The following PDE3B variants were observed in gnomAD, a reference collection of about 807,000 sequenced individuals.
The protein encoded by PDE3B is phosphodiesterase 3B, also known as cGMP-inhibited 3',5'-cyclic phosphodiesterase 3B.
Under a neutral mutation model 116.8 loss-of-function variants are expected in PDE3B, and 66 were observed. That is an observed-to-expected ratio of 0.56 (90% CI 0.46 to 0.69). The LOEUF is 0.69. Ranked by LOEUF, PDE3B falls within the 30% of genes least tolerant of loss-of-function variation. PDE3B has a pLI of 0.00. For missense variants in PDE3B, 1,384 were observed against 1,368.1 expected (o/e 1.01, Z -0.18); for synonymous variants, 595 against 533.6 (o/e 1.12, Z -1.59).
At chr11:14,688,690 G>T (rs1340870248) in intron 1 of PDE3B, among the ~76,000 whole-genome samples, 1 of 152,114 alleles carries the variant, frequency 6.6e-6, no homozygotes, top group African/African-American at 2.4e-5. Flanking sequence ...GTGTCTTTGT[G>T]TAGGTCACTG....
At chr11:14,744,841 G>A (rs1055966285) in intron 1 of PDE3B, among the ~76,000 whole-genome samples, 1 of 152,164 alleles carries the variant, frequency 6.6e-6, no homozygotes, top group African/African-American at 2.4e-5. Context: ...TAATTTTAAT[G>A]TTTTATAGGA....
At position 14,643,935 on chromosome 11, in the gene PDE3B, G is replaced by A; in HGVS notation, c.-141G>A. ...CCTCAGTCCGCGCGGTGGGGACCCC[G>A]GGCCGTGGCGGCCGGCGCAGCCCTG... On this transcript the variant is annotated 5_prime_UTR_variant, in exon 1 of 16. Coordinates refer to ENST00000282096, the MANE Select transcript of PDE3B (RefSeq NM_000922.4). 7.9e-7 allele frequency: 1 copy of A among 1,258,142 alleles called. No homozygotes were observed. The highest frequency in any genetic ancestry group is 1.0e-6 in the Non-Finnish European group (1 of 976,644). 77.9% of individuals were successfully genotyped at this position (1,258,142 alleles called of 1,614,324 possible).
chr11:14,644,754 A>G lies in PDE3B; in HGVS notation c.679A>G (p.Ser227Gly), dbSNP rs1209880894. Reference protein sequence around the residue: ...RHCVLVLLLASFVWWVSFTSL... With the variant: ...RHCVLVLLLAGFVWWVSFTSL... ...CTGCGTTCTGGTGCTGCTCCTGGCC[A>G]GCTTCGTCTGGTGGGTCTCCTTCAC... The change falls in exon 1 of 16, where the codon AGC (serine) becomes GGC (glycine). Residue 227 changes from serine to glycine, a missense_variant. Physicochemically the swap from Ser to Gly is moderately conservative, Grantham distance 56. Around this residue, in one of 2 missense-constraint regions of PDE3B, gnomAD observed 956 missense variants for 806.8 expected, o/e 1.18. Coordinates refer to ENST00000282096, the MANE Select transcript of PDE3B (RefSeq NM_000922.4). 6.3e-7 allele frequency: 1 copy of G among 1,593,494 alleles called. No homozygotes were observed.
At chr11:14,779,724 G>T (rs942437133) in intron 2 of PDE3B, among the ~76,000 whole-genome samples, 2 of 152,154 alleles carry the variant, frequency 1.3e-5, no homozygotes, top group African/African-American at 4.8e-5. Flanking sequence ...ATGCCAAATT[G>T]TAAAGACCAT....
intron 12 of PDE3B, among the ~76,000 whole-genome samples, 156 bp downstream of exon 12, chr11:14,844,182 T>A (rs891457383): frequency 2.0e-5 from 3 of 152,228 alleles, no homozygotes; most frequent in African/African-American, 7.2e-5. Context: ...GGCATTAATG[T>A]GATGTGTGCT....
At chr11:14,890,337 C>T in the PDE3B span, 4 of 327,376 alleles carry the variant, frequency 1.2e-5, no homozygotes, top group Non-Finnish European at 1.7e-5. Context: ...ACCAAGATAC[C>T]AAAGAGATGA....
At chr11:14,833,037 G>A (rs940152054) in intron 10 of PDE3B, among the ~76,000 whole-genome samples, 9 of 151,178 alleles carry the variant, frequency 6.0e-5, no homozygotes, top group South Asian at 2.1e-4. Context: ...TGCAACCTCC[G>A]CCCCCCACGT....
At chr11:14,866,471 GA>G (rs1463548729) in intron 14 of PDE3B, among the ~76,000 whole-genome samples, 5 of 152,098 alleles carry the variant, frequency 3.3e-5, no homozygotes, top group Non-Finnish European at 7.4e-5. Context: ...CATGGACTTA[GA>G]AAAGCCAAAC....
chr11:14,718,545 A>G (rs1180898458), intron 1 of PDE3B, among the ~76,000 whole-genome samples: 1 of 149,768 alleles, frequency 6.7e-6, no homozygotes, highest in African/African-American at 2.4e-5. Context: ...AGCAAATGTA[A>G]AAGAACAGAA....
intron 12 of PDE3B, among the ~76,000 whole-genome samples, 169 bp downstream of exon 12, chr11:14,844,195 G>A (rs1014454500): frequency 6.6e-6 from 1 of 152,194 alleles, no homozygotes; most frequent in African/African-American, 2.4e-5. Context: ...TGTGTGCTAG[G>A]AAATTAGGGG....
intron 1 of PDE3B, among the ~76,000 whole-genome samples, chr11:14,686,720 T>C (rs1414930501): frequency 1.3e-5 from 2 of 152,216 alleles, no homozygotes. Flanking sequence ...GTTTTTATTT[T>C]TATTTTTTTT....
chr11:14,879,988 CTCT>C, the PDE3B span: 1 of 763,870 alleles, frequency 1.3e-6, no homozygotes, highest in African/African-American at 1.8e-5. Flanking sequence ...GATTTGAAAA[CTCT>C]TTTTTGTAAC....
chr11:14,851,310 A>G (rs191841581), intron 12 of PDE3B, among the ~76,000 whole-genome samples: 7 of 151,978 alleles, frequency 4.6e-5, no homozygotes, highest in East Asian at 1.9e-4. Flanking sequence ...TCTTTATTCT[A>G]TGTTTAAACC....
In PDE3B at chr11:14,645,181, G is replaced by T. The variant is rs866691245; in HGVS notation, c.978+128G>T. ...AATGGAAAAAGGGTGTGTTGCGGGG[G>T]GGGGGGGGGAGGAAATAATGTTTTA... On this transcript the variant is annotated intron_variant, in intron 1 of 15. Transcript: ENST00000282096. 857 of 463,056 alleles carry T rather than the reference G, an allele frequency of 1.9e-3. 42 individuals carry two copies. The highest frequency in any genetic ancestry group is 5.4e-3 in the South Asian group (155 of 28,556). 28.7% of individuals were successfully genotyped at this position (463,056 alleles called of 1,614,324 possible). A position where few individuals can be genotyped will look rare whatever the true frequency, so the allele number is the denominator to read the frequency against.
chr11:14,668,031 GTAAA>G (rs1854234452), intron 1 of PDE3B, among the ~76,000 whole-genome samples: 2 of 148,768 alleles, frequency 1.3e-5, no homozygotes, highest in Non-Finnish European at 3.0e-5. Flanking sequence ...TAATGCAAGA[GTAAA>G]AAAAAAAAAG....
chr11:14,884,801 C>T, the PDE3B span, among the ~76,000 whole-genome samples: 1 of 152,062 alleles, frequency 6.6e-6, no homozygotes, highest in East Asian at 1.9e-4. Flanking sequence ...AATAAATTTA[C>T]AGCTTTGAAA....
At chr11:14,736,066 C>G (rs950632977) in intron 1 of PDE3B, among the ~76,000 whole-genome samples, 3 of 149,360 alleles carry the variant, frequency 2.0e-5, no homozygotes, top group Non-Finnish European at 3.0e-5. Flanking sequence ...TCTAGTTTTA[C>G]CTGTGCTCTT....
Position 14,808,790 on chromosome 11 carries a change from T to C in PDE3B, c.1522+4740T>C, listed in dbSNP as rs563887388. On this transcript the variant is annotated intron_variant, in intron 5 of 15. Transcript: ENST00000282096. ...TTTACAGTTAGCATTGAAAAAATCT[T>C]TGAAATAAATTTAGCAAAATAGTAC... 8.5e-4 allele frequency among the ~76,000 whole-genome samples: 130 copies of C among 152,324 alleles called. 2 individuals are homozygous for C. Among genetic ancestry groups the C allele is most frequent in the Middle Eastern group, 6.8e-3 (2 of 294 alleles).
At chr11:14,696,946 CT>C (rs905436501) in intron 1 of PDE3B, among the ~76,000 whole-genome samples, 1 of 150,948 alleles carries the variant, frequency 6.6e-6, no homozygotes, top group African/African-American at 2.4e-5. Context: ...TTATCTTTCA[CT>C]TTTTTTTTAG....
Sources: allele counts gnomAD v4.1 joint callset (sites outside exome capture counted in the v4.1 genomes callset), GRCh38; gene constraint gnomAD v4.1.1; regional missense constraint gnomAD v4.1.1; transcripts MANE v1.5; gene names NCBI Gene and HGNC (gene_info 2026-07-23, HGNC 2026-07-21).